The following AHI1 variants were observed in gnomAD, a reference collection of about 807,000 sequenced individuals.
AHI1 encodes Abelson helper integration site 1.
AHI1 carries 123 observed loss-of-function variants against 149.3 expected under a neutral mutation model. The ratio of observed to expected loss-of-function variants is 0.82; its 90% CI spans 0.71 to 0.96. The LOEUF is 0.96. AHI1 is among the 40% of genes least tolerant of loss of function. AHI1 has a pLI of 0.00. For missense variants in AHI1, 1,439 were observed against 1,422.7 expected (o/e 1.01, Z -0.18); for synonymous variants, 475 against 459.8 (o/e 1.03, Z -0.42).
At chr6:135,382,953 A>ATG (rs1562629635) in intron 23 of AHI1, among the ~76,000 whole-genome samples, 5 of 138,512 alleles carry the variant, frequency 3.6e-5, no homozygotes, top group African/African-American at 1.3e-4. Context: ...ATATATATAT[A>ATG]TACATATAAA....
At chr6:135,352,336 T>A (rs1290214750) in intron 24 of AHI1, among the ~76,000 whole-genome samples, 2 of 152,182 alleles carry the variant, frequency 1.3e-5, no homozygotes, top group Non-Finnish European at 2.9e-5. Context: ...TCATCTACGC[T>A]GCTGCAGTCA....
chr6:135,396,767 T>C (rs543831788), intron 22 of AHI1, among the ~76,000 whole-genome samples: 6 of 151,732 alleles, frequency 4.0e-5, no homozygotes, highest in African/African-American at 1.2e-4. Flanking sequence ...AACAAACAGG[T>C]GTATGCTGGA....
chr6:135,490,814 G>A, intron 4 of AHI1, 67 bp from the exon 5 acceptor site: 1 of 1,535,514 alleles, frequency 6.5e-7, no homozygotes, highest in Non-Finnish European at 8.8e-7. Flanking sequence ...ACACTACTAG[G>A]ATGTTAAGAA....
chr6:135,325,151 T>A (rs1472787848), intron 24 of AHI1, among the ~76,000 whole-genome samples: 1 of 151,840 alleles, frequency 6.6e-6, no homozygotes, highest in Admixed American at 6.6e-5. Flanking sequence ...CTCAGCCTCC[T>A]GAGTAGTTGG....
chr6:135,411,209 C>A, intron 21 of AHI1, 139 bp downstream of exon 21: 1 of 800,582 alleles, frequency 1.2e-6, no homozygotes, highest in Non-Finnish European at 1.9e-6. Flanking sequence ...GGAATAAGTA[C>A]CTGAAAGGAA....
chr6:135,430,793 T>C (rs1352365604), intron 17 of AHI1, among the ~76,000 whole-genome samples: 3 of 151,974 alleles, frequency 2.0e-5, no homozygotes, highest in African/African-American at 7.2e-5. Flanking sequence ...AATAACCGCA[T>C]AACTCTGAAA....
At chr6:135,318,349 G>A in intron 26 of AHI1, 170 bp downstream of exon 26, 1 of 568,848 alleles carries the variant, frequency 1.8e-6, no homozygotes, top group South Asian at 2.4e-5. Flanking sequence ...TCCTTATCTG[G>A]AAAATGGCTA....
At chr6:135,327,132 T>A (rs138608439) in intron 24 of AHI1, among the ~76,000 whole-genome samples, 1 of 152,120 alleles carries the variant, frequency 6.6e-6, no homozygotes, top group Non-Finnish European at 1.5e-5. Context: ...ACTGAGAAAA[T>A]AAATTTCTGC....
At chr6:135,447,187 T>G in intron 12 of AHI1, 27 bp from the exon 13 acceptor site, 1 of 1,443,894 alleles carries the variant, frequency 6.9e-7, no homozygotes, top group Non-Finnish European at 9.2e-7. Context: ...ATATGAAAAT[T>G]TATATACCAT....
At chr6:135,432,969 A>G (rs1784873368) in intron 16 of AHI1, 58 bp downstream of exon 16, 2 of 1,302,730 alleles carry the variant, frequency 1.5e-6, no homozygotes, top group African/African-American at 1.5e-5. Flanking sequence ...AATAACTATT[A>G]TTCTGGTAAA....
chr6:135,447,639 C>T (rs905939394), intron 12 of AHI1, among the ~76,000 whole-genome samples: 2 of 152,106 alleles, frequency 1.3e-5, no homozygotes, highest in Non-Finnish European at 2.9e-5. Flanking sequence ...GTGCAAATGA[C>T]CTGAAAAATT....
intron 8 of AHI1, among the ~76,000 whole-genome samples, chr6:135,461,742 A>G (rs1286660294): frequency 6.6e-6 from 1 of 152,018 alleles, no homozygotes; most frequent in Non-Finnish European, 1.5e-5. Flanking sequence ...TAATACAAAA[A>G]CAGAATTAAG....
chr6:135,303,312 G>T (rs142227301), intron 26 of AHI1, among the ~76,000 whole-genome samples: 35 of 152,116 alleles, frequency 2.3e-4, no homozygotes, highest in African/African-American at 8.2e-4. Context: ...TCTAGCACAC[G>T]AGACTTAAAT....
At chr6:135,366,322 C>A (rs1774178100) in intron 23 of AHI1, among the ~76,000 whole-genome samples, 1 of 151,870 alleles carries the variant, frequency 6.6e-6, no homozygotes, top group Non-Finnish European at 1.5e-5. Context: ...GGAAAGATTC[C>A]CTTGTTCTCT....
chr6:135,449,607 T>A (rs1787782829), intron 11 of AHI1, among the ~76,000 whole-genome samples: 2 of 152,236 alleles, frequency 1.3e-5, no homozygotes, highest in South Asian at 2.1e-4. Context: ...TAACTTAATA[T>A]CTTAAATTAG....
intron 23 of AHI1, among the ~76,000 whole-genome samples, chr6:135,371,467 A>G (rs1775047883): frequency 6.6e-6 from 1 of 152,194 alleles, no homozygotes; most frequent in South Asian, 2.1e-4. Flanking sequence ...GAATTTCACT[A>G]GAGTACGGCT....
rs569391818 is a variant in AHI1, at chr6:135,432,080, A to G, written c.2267-766T>C. On this transcript the variant is annotated intron_variant, in intron 16 of 28. Transcript: ENST00000265602. ...TCTTTATGTCTCTTTTATAATCTCA[A>G]CTACTGCTATTATGACAGAGTTAGT... is the stretch of plus-strand genomic sequence containing the variant. Among the ~76,000 whole-genome samples, 22 of 151,028 alleles carry G rather than the reference A, an allele frequency of 1.5e-4. No homozygotes were observed. In the East Asian group the frequency reaches 4.3e-3, roughly 29 times the overall value.
intron 23 of AHI1, among the ~76,000 whole-genome samples, chr6:135,378,360 A>G (rs746972828): frequency 3.9e-5 from 6 of 152,392 alleles, no homozygotes; most frequent in Admixed American, 6.5e-5. Context: ...TAATTGTGCT[A>G]ACCAATAATC....
intron 5 of AHI1, among the ~76,000 whole-genome samples, chr6:135,469,450 ATTC>A (rs1388713983): frequency 1.3e-5 from 2 of 152,318 alleles, no homozygotes; most frequent in East Asian, 3.9e-4. Context: ...TACCATTGAC[ATTC>A]TTCACAGAAT....
Sources: gnomAD v4.1 joint callset for allele counts (sites outside exome capture counted in the v4.1 genomes callset) on GRCh38, gnomAD v4.1.1 for gene constraint, MANE v1.5 for transcripts, NCBI Gene and HGNC (gene_info 2026-07-23, HGNC 2026-07-21) for gene names.